The following RYR2 variants were observed in gnomAD, a reference collection of about 807,000 sequenced individuals.
RYR2 encodes the protein cardiac muscle ryanodine receptor-calcium release channel.
In RYR2, 227 loss-of-function variants were observed where a neutral mutation model predicts 601.1. The observed-to-expected ratio is 0.38, with a 90% CI of 0.34 to 0.42. The LOEUF is 0.42. RYR2 is among the 10% of genes least tolerant of loss of function. The pLI is 1.00. For missense variants in RYR2, 4,646 were observed against 6,156.5 expected, an observed-to-expected ratio of 0.75 and a Z score of 8.21; for synonymous variants, 2,223 against 2,175.1, an observed-to-expected ratio of 1.02 and a Z score of -0.61.
At chr1:237,540,213 A>G (rs2257095) in intron 25 of RYR2, among the ~76,000 whole-genome samples, 55,047 of 151,790 alleles carry the variant, frequency 0.36, 10,571 homozygotes, top group East Asian at 0.48. Context: ...CTGAAAAACA[A>G]TCCACTCACT....
chr1:237,177,614 A>C (rs1043029725), intron 1 of RYR2, among the ~76,000 whole-genome samples: 3 of 152,202 alleles, frequency 2.0e-5, no homozygotes, highest in African/African-American at 7.2e-5. Context: ...ATCCACATTG[A>C]TGTTTATAGC....
At chr1:237,517,285 T>A (rs762656718) in intron 24 of RYR2, among the ~76,000 whole-genome samples, 2 of 152,208 alleles carry the variant, frequency 1.3e-5, no homozygotes, top group Non-Finnish European at 2.9e-5. Flanking sequence ...GATAAGAATT[T>A]CCTCACCACT....
intron 29 of RYR2, among the ~76,000 whole-genome samples, chr1:237,580,033 G>A (rs537329126): frequency 5.9e-5 from 9 of 152,194 alleles, no homozygotes; most frequent in East Asian, 1.9e-4. Context: ...GATGTGAAGC[G>A]TGTGCTTGTC....
chr1:237,112,949 T>C (rs1669662078), intron 1 of RYR2, among the ~76,000 whole-genome samples: 1 of 152,150 alleles, frequency 6.6e-6, no homozygotes, highest in South Asian at 2.1e-4. Flanking sequence ...TGGCGTCATA[T>C]AACTATTTAT....
At chr1:237,380,468 C>G (rs1431817048) in intron 8 of RYR2, among the ~76,000 whole-genome samples, 1 of 124,920 alleles carries the variant, frequency 8.0e-6, no homozygotes, top group African/African-American at 3.0e-5. Context: ...AATCATGTAA[C>G]CTTTAGAAAC....
intron 27 of RYR2, among the ~76,000 whole-genome samples, chr1:237,564,722 T>A (rs1671794216): frequency 6.6e-6 from 1 of 152,208 alleles, no homozygotes; most frequent in Non-Finnish European, 1.5e-5. Flanking sequence ...ACCATAGAAA[T>A]GTTTCTCTGA....
chr1:237,257,469 T>C (rs901852655), intron 1 of RYR2, among the ~76,000 whole-genome samples: 1 of 152,210 alleles, frequency 6.6e-6, no homozygotes. Context: ...AGATGCTTAA[T>C]GATACACCTA....
chr1:237,481,125 T>C lies in RYR2; in HGVS notation c.1709-10681T>C, dbSNP rs202178928. Among the ~76,000 whole-genome samples, 99 of 136,680 alleles carry C rather than the reference T, an allele frequency of 7.2e-4. 1 individual carries two copies. In the East Asian group the frequency reaches 8.9e-3, roughly 12 times the overall value. 89.7% of individuals were successfully genotyped at this position (136,680 alleles called of 152,430 possible). A position where few individuals can be genotyped will look rare whatever the true frequency, so the allele number is the denominator to read the frequency against. ...ATATATACATATATATATATATATA[T>C]ACACACACATATATATATTCATATC... is the stretch of plus-strand genomic sequence containing the variant. On this transcript the variant is annotated intron_variant, in intron 17 of 104. Coordinates refer to ENST00000366574, the MANE Select transcript of RYR2 (RefSeq NM_001035.3).
intron 1 of RYR2, among the ~76,000 whole-genome samples, chr1:237,229,206 G>C (rs1312066768): frequency 6.6e-6 from 1 of 152,102 alleles, no homozygotes; most frequent in Non-Finnish European, 1.5e-5. Context: ...GATAAACCTG[G>C]AAAAATACTT....
intron 20 of RYR2, among the ~76,000 whole-genome samples, chr1:237,500,035 C>T (rs1026678033): frequency 6.6e-6 from 1 of 152,120 alleles, no homozygotes. Flanking sequence ...ACTTAAGAAG[C>T]CAACCAAGAT....
chr1:237,523,739 A>C (rs1296523443), intron 24 of RYR2, among the ~76,000 whole-genome samples: 1 of 151,084 alleles, frequency 6.6e-6, no homozygotes, highest in Non-Finnish European at 1.5e-5. Flanking sequence ...TCTGTCTCAA[A>C]AAAAAAAAAG....
chr1:237,802,155 G>T (rs1450121236), intron 98 of RYR2: 1 of 330,410 alleles, frequency 3.0e-6, no homozygotes, highest in Non-Finnish European at 5.5e-6. Flanking sequence ...ATGCAGATTT[G>T]TGAGTACGTT....
intron 70 of RYR2, 102 bp downstream of exon 70, chr1:237,709,669 C>A: frequency 1.6e-6 from 1 of 626,114 alleles, no homozygotes; most frequent in East Asian, 2.8e-5. Context: ...AATAGGTTCC[C>A]CTGAGGAGTT....
intron 17 of RYR2, among the ~76,000 whole-genome samples, chr1:237,488,621 G>A (rs571074647): frequency 2.4e-4 from 37 of 152,236 alleles, no homozygotes; most frequent in African/African-American, 8.2e-4. Flanking sequence ...AGTGAAAATA[G>A]CCTTAACCGA....
intron 1 of RYR2, among the ~76,000 whole-genome samples, chr1:237,103,342 C>G (rs1167159183): frequency 6.6e-6 from 1 of 152,248 alleles, no homozygotes; most frequent in African/African-American, 2.4e-5. Context: ...CCTGCTTTCT[C>G]CATATCCTGC....
chr1:237,674,217 C>G lies in RYR2; in HGVS notation c.8712C>G (p.Ser2904=). The G allele has an allele frequency of 2.5e-6, 4 of 1,609,856 alleles. No homozygotes were observed. Among genetic ancestry groups the G allele is most frequent in the Non-Finnish European group, 3.4e-6 (4 of 1,176,560 alleles). ...TGCAGATCAATGGATATGCTGTATCCAGGTAAAAGTACACATACCCTAAGT... is the reference window on the plus strand; with the variant it reads ...TGCAGATCAATGGATATGCTGTATCGAGGTAAAAGTACACATACCCTAAGT... ...KFLQINGYAV[S]RGFKDLELDT... is the part of the protein sequence containing the mutation. The change falls in exon 59 of 105, where the codon TCC becomes TCG. Residue 2904 remains serine (S), a splice_region_variant and synonymous_variant. Transcript: ENST00000366574.
chr1:237,672,110 G>A (rs1046286277), intron 58 of RYR2, among the ~76,000 whole-genome samples: 3 of 152,124 alleles, frequency 2.0e-5, no homozygotes, highest in Admixed American at 6.5e-5. Context: ...AAATGTCCAC[G>A]GTCACACTGC....
At chr1:237,586,436 C>A (rs553195166) in intron 29 of RYR2, among the ~76,000 whole-genome samples, 1 of 152,208 alleles carries the variant, frequency 6.6e-6, no homozygotes, top group South Asian at 2.1e-4. Flanking sequence ...AAACTATAAC[C>A]CTAAGGGGCA....
intron 77 of RYR2, 128 bp from the exon 78 acceptor site, chr1:237,731,918 A>ACACACACACACACACACC (rs753519564): frequency 1.6e-6 from 1 of 606,644 alleles, no homozygotes; most frequent in African/African-American, 1.9e-5. Flanking sequence ...ACACACACAC[A>ACACACACACACACACACC]CCCCACAACA....
Sources: gnomAD v4.1 joint callset for allele counts (sites outside exome capture counted in the v4.1 genomes callset) on GRCh38, gnomAD v4.1.1 for gene constraint, MANE v1.5 for transcripts, NCBI Gene and HGNC (gene_info 2026-07-23, HGNC 2026-07-21) for gene names.